The following ZNF875 variants were observed in gnomAD, a reference collection of about 807,000 sequenced individuals.
The protein encoded by ZNF875 is HKR1, GLI-Kruppel zinc finger family member.
In ZNF875, 14 loss-of-function variants were observed where a neutral mutation model predicts 11.2. The ratio of observed to expected loss-of-function variants is 1.26; its 90% confidence interval spans 0.83 to 1.96. ZNF875 has a LOEUF of 1.96. ZNF875 is among the 30% of genes most tolerant of loss of function. ZNF875 has a pLI of 0.00. For synonymous variants in ZNF875, 301 were observed against 281.1 expected (o/e 1.07, Z -0.71); for missense variants, 752 against 760.4 (o/e 0.99, Z 0.13).
At chr19:37,356,653 G>C (rs2038963283) in intron 4 of ZNF875, among the ~76,000 whole-genome samples, 4 of 152,000 alleles carry the variant, frequency 2.6e-5, no homozygotes, top group Admixed American at 2.6e-4. Flanking sequence ...TATGTCCTTT[G>C]CTCACTTTTT....
At chr19:37,336,411 T>C (rs939789319) in intron 2 of ZNF875, among the ~76,000 whole-genome samples, 2 of 151,160 alleles carry the variant, frequency 1.3e-5, no homozygotes, top group African/African-American at 4.9e-5. Context: ...ACCATTCTTC[T>C]GCCTCAGCCT....
chr19:37,326,057 G>A (rs949284336), intron 4 of ZNF875, among the ~76,000 whole-genome samples: 3 of 151,978 alleles, frequency 2.0e-5, no homozygotes, highest in Non-Finnish European at 4.4e-5. Flanking sequence ...TGCCCAGACC[G>A]GTCTCAAATT....
At chr19:37,322,017 G>A (rs1206696098) in intron 1 of ZNF875, among the ~76,000 whole-genome samples, 1 of 152,130 alleles carries the variant, frequency 6.6e-6, no homozygotes, top group Non-Finnish European at 1.5e-5. Context: ...ATGTTAGAAC[G>A]GTCCTGCACA....
At chr19:37,318,571 G>T (rs1232379767) in intron 1 of ZNF875, among the ~76,000 whole-genome samples, 1 of 151,322 alleles carries the variant, frequency 6.6e-6, no homozygotes, top group African/African-American at 2.4e-5. Context: ...GCCCAGGCTG[G>T]AGTGCAGTGG....
At chr19:37,361,972 A>T (rs1341729045) in intron 4 of ZNF875, 137 bp from the exon 5 acceptor site, 1 of 633,188 alleles carries the variant, frequency 1.6e-6, no homozygotes, top group South Asian at 2.0e-5. Flanking sequence ...TGAAAAATAG[A>T]TGCTGGGAAG....
intron 4 of ZNF875, among the ~76,000 whole-genome samples, chr19:37,353,137 G>A (rs1262919771): frequency 6.6e-6 from 1 of 152,126 alleles, no homozygotes; most frequent in African/African-American, 2.4e-5. Context: ...GCCTCCCAAA[G>A]TGTTCAGATT....
intron 2 of ZNF875, chr19:37,344,883 C>T (rs1568608863): frequency 1.4e-6 from 1 of 739,976 alleles, no homozygotes; most frequent in Admixed American, 2.0e-5. Flanking sequence ...GTTGTAAAAG[C>T]AAATCACAAC....
Position 37,334,706 on chromosome 19 carries a change from C to T in ZNF875, c.-133C>T, listed in dbSNP as rs1386683737. The T allele has an allele frequency of 2.2e-6, 1 of 455,984 alleles. No individual in the cohort carries two copies. The highest frequency in any genetic ancestry group is 2.3e-5 in the Admixed American group (1 of 42,556). 28.2% of individuals were successfully genotyped at this position (455,984 alleles called of 1,614,324 possible). A position where few individuals can be genotyped will look rare whatever the true frequency, so the allele number is the denominator to read the frequency against. On this transcript the variant is annotated 5_prime_UTR_variant, in exon 1 of 5. Transcript: ENST00000392153. ...GGTTGGGACCCGGGAAGGCCTCCCT[C>T]TTAAGGTCTTTCCCACACCTCTGCA...
intron 2 of ZNF875, among the ~76,000 whole-genome samples, chr19:37,343,925 T>C (rs1267574997): frequency 6.6e-6 from 1 of 152,074 alleles, no homozygotes. Flanking sequence ...TAAAAAGAAG[T>C]TCACAGAGAG....
chr19:37,335,042 A>G (rs1388264248), intron 1 of ZNF875, 127 bp from the exon 2 acceptor site: 1 of 571,120 alleles, frequency 1.8e-6, no homozygotes, highest in Admixed American at 2.7e-5. Context: ...CTGGATGGGA[A>G]TTGGCTGCTC....
At chr19:37,361,506 T>C (rs1371029912) in intron 4 of ZNF875, among the ~76,000 whole-genome samples, 1 of 152,118 alleles carries the variant, frequency 6.6e-6, no homozygotes, top group African/African-American at 2.4e-5. Flanking sequence ...TTTCTGTGTC[T>C]CCCTCTTTTG....
chr19:37,362,410 A>G lies in ZNF875; in HGVS notation c.558A>G (p.Pro186=), dbSNP rs1018522495. 1 of 1,614,192 alleles carries G rather than the reference A, an allele frequency of 6.2e-7. No homozygotes were observed. The highest frequency in any genetic ancestry group is 2.2e-5 in the East Asian group (1 of 44,880). Residue 186 remains proline, a synonymous_variant, in exon 5 of 5, where the codon CCA becomes CCG. Transcript: ENST00000392153. Reference sequence around the variant, plus strand: ...CCAGCCCACCTGAAGAACAACAGCCAGCACAGTCCAAGGAAGACAACACAG... The same window carrying G: ...CCAGCCCACCTGAAGAACAACAGCCGGCACAGTCCAAGGAAGACAACACAG... ...ALSSPPEEQQ[P]AQSKEDNTVV... is the part of the protein sequence containing the mutation.
chr19:37,315,790 C>A (rs1261682654), upstream of ZNF875, among the ~76,000 whole-genome samples: 2 of 151,876 alleles, frequency 1.3e-5, no homozygotes, highest in Non-Finnish European at 2.9e-5. Flanking sequence ...TGTGGGACTG[C>A]ACCTACAAGC....
Position 37,343,056 on chromosome 19 carries a change from A to C in ZNF875, c.34-4134A>C, listed in dbSNP as rs113686052. Among the ~76,000 whole-genome samples, 992 of 152,288 alleles carry C rather than the reference A, an allele frequency of 6.5e-3. 10 individuals are homozygous for C. Among genetic ancestry groups the C allele is most frequent in the African/African-American group, 0.022 (925 of 41,558 alleles). On this transcript the variant is annotated intron_variant, in intron 2 of 4. Coordinates refer to ENST00000392153, the MANE Select transcript of ZNF875 (RefSeq NM_001353803.2). ...AGTGGCCTAAAGAACATAGCGGCTT[A>C]GGCCTGGTACAGTGGCTCTCACCTG... is the stretch of plus-strand genomic sequence containing the variant.
intron 2 of ZNF875, among the ~76,000 whole-genome samples, chr19:37,341,872 A>G (rs1449534033): frequency 6.6e-6 from 1 of 152,204 alleles, no homozygotes; most frequent in Non-Finnish European, 1.5e-5. Flanking sequence ...CCTAACATAC[A>G]GTGGTGAGAG....
In ZNF875 at chr19:37,335,231, A is replaced by C; in HGVS notation, c.7A>C (p.Thr3Pro). The change falls in exon 2 of 5, where the codon ACA becomes CCA. Residue 3 changes from threonine to proline, a missense_variant. Coordinates refer to ENST00000392153, the MANE Select transcript of ZNF875 (RefSeq NM_001353803.2). ...CACTCAGGAGACCAGGAAAATGGCC[A>C]CAGGGCTCCTGAGAGCCAAAAAAGA... is the stretch of plus-strand genomic sequence containing the variant. MA[T>P]GLLRAKKEAF... 1 of 702,456 alleles carries C rather than the reference A, an allele frequency of 1.4e-6. No individual in the cohort carries two copies. Among genetic ancestry groups the C allele is most frequent in the Non-Finnish European group, 2.6e-6 (1 of 384,586 alleles). 43.5% of individuals were successfully genotyped at this position (702,456 alleles called of 1,614,324 possible).
upstream of ZNF875, among the ~76,000 whole-genome samples, chr19:37,331,349 C>T (rs1189518220): frequency 6.6e-5 from 10 of 151,728 alleles, no homozygotes; most frequent in East Asian, 1.6e-3. Flanking sequence ...CCTGCCTCAC[C>T]CTCCCAAGTA....
upstream of ZNF875, among the ~76,000 whole-genome samples, chr19:37,330,855 A>T (rs2033259913): frequency 6.6e-6 from 1 of 152,156 alleles, no homozygotes. Flanking sequence ...GTTACTTAAA[A>T]CTTTGAGTTT....
At chr19:37,345,079 CT>C (rs2036520136) in intron 2 of ZNF875, 2 of 261,662 alleles carry the variant, frequency 7.6e-6, no homozygotes, top group African/African-American at 4.3e-5. Context: ...TGACCTCTCC[CT>C]CTTGAGATTA....
Sources: gnomAD v4.1 joint callset for allele counts (sites outside exome capture counted in the v4.1 genomes callset) on GRCh38, gnomAD v4.1.1 for gene constraint, MANE v1.5 for transcripts, NCBI Gene and HGNC (gene_info 2026-07-23, HGNC 2026-07-21) for gene names.